The following PCDH15 variants were observed in gnomAD, a reference collection of about 807,000 sequenced individuals.
PCDH15 encodes the protein protocadherin-15.
Under a neutral mutation model 178.5 loss-of-function variants are expected in PCDH15, and 129 were observed. The ratio of observed to expected loss-of-function variants is 0.72; its 90% CI spans 0.63 to 0.84. The LOEUF (loss-of-function observed/expected upper bound fraction) is 0.84, where lower values mean the gene tolerates loss of function less well. Ranked by LOEUF, PCDH15 falls within the 40% of genes least tolerant of loss-of-function variation. PCDH15 has a pLI of 0.00. For missense variants in PCDH15, 2,230 were observed against 2,099.9 expected, an observed-to-expected ratio of 1.06 and a Z score of -1.21; for synonymous variants, 800 against 732.0, an observed-to-expected ratio of 1.09 and a Z score of -1.50.
intron 2 of PCDH15, among the ~76,000 whole-genome samples, chr10:54,978,464 A>G (rs1839132543): frequency 6.6e-6 from 1 of 152,166 alleles, no homozygotes. Flanking sequence ...AGATTAGAAT[A>G]TGCCACCCAA....
At chr10:54,128,482 C>G (rs1188836264) in intron 15 of PCDH15, among the ~76,000 whole-genome samples, 2 of 152,150 alleles carry the variant, frequency 1.3e-5, no homozygotes, top group Admixed American at 1.3e-4. Flanking sequence ...TGACTCAAAT[C>G]TAAGCAGCTA....
rs559553275 is a variant in PCDH15, at chr10:55,042,585, C to T, written c.-80+123991G>A. On this transcript the variant is annotated intron_variant, in intron 2 of 5. Coordinates refer to the PCDH15 transcript ENST00000458638. Reference sequence around the variant, plus strand: ...TTTTTAGTCTTGTCAAATTATTCCACTCTGTCATAAAATAATTCAAAATAC... The same window carrying T: ...TTTTTAGTCTTGTCAAATTATTCCATTCTGTCATAAAATAATTCAAAATAC... Among the ~76,000 whole-genome samples, 6 of 152,240 alleles carry T rather than the reference C, an allele frequency of 3.9e-5. No individual in the cohort carries two copies. In the East Asian group the frequency reaches 1.2e-3, roughly 29 times the overall value.
At chr10:55,513,455 T>C (rs1840938330) in intron 2 of PCDH15, among the ~76,000 whole-genome samples, 1 of 152,080 alleles carries the variant, frequency 6.6e-6, no homozygotes, top group South Asian at 2.1e-4. Context: ...GAATATTACA[T>C]CATATTAAAG....
At chr10:55,086,576 G>A (rs981882471) in intron 2 of PCDH15, among the ~76,000 whole-genome samples, 8 of 151,966 alleles carry the variant, frequency 5.3e-5, no homozygotes, top group Admixed American at 2.6e-4. Flanking sequence ...TATAATGTGA[G>A]CAGTCAGACT....
intron 2 of PCDH15, among the ~76,000 whole-genome samples, chr10:55,100,490 T>G (rs993823261): frequency 6.6e-6 from 1 of 152,118 alleles, no homozygotes; most frequent in African/African-American, 2.4e-5. Context: ...TGTATTAGTT[T>G]ATGGTTGTGC....
chr10:54,686,090 G>A (rs367816510), intron 1 of PCDH15, among the ~76,000 whole-genome samples: 1 of 124,916 alleles, frequency 8.0e-6, no homozygotes, highest in Non-Finnish European at 1.6e-5. Flanking sequence ...GTTTCACCAT[G>A]TTGGTCAGGC....
chr10:54,333,483 G>A (rs1240383684), intron 6 of PCDH15, among the ~76,000 whole-genome samples: 2 of 150,008 alleles, frequency 1.3e-5, no homozygotes, highest in East Asian at 3.9e-4. Context: ...TTTTCCTCTA[G>A]TAAAAAGAAT....
intron 2 of PCDH15, among the ~76,000 whole-genome samples, chr10:54,936,367 A>G (rs1422997348): frequency 6.6e-6 from 1 of 151,970 alleles, no homozygotes; most frequent in Non-Finnish European, 1.5e-5. Context: ...GTATAGTCGC[A>G]TGTTTTCCCT....
chr10:54,335,948 T>C (rs1423364399), intron 6 of PCDH15, among the ~76,000 whole-genome samples: 1 of 152,144 alleles, frequency 6.6e-6, no homozygotes, highest in Non-Finnish European at 1.5e-5. Flanking sequence ...TTGACCAAAA[T>C]GCTGATAATG....
intron 1 of PCDH15, among the ~76,000 whole-genome samples, chr10:54,697,452 G>A (rs1271165886): frequency 1.3e-5 from 2 of 150,360 alleles, no homozygotes; most frequent in Non-Finnish European, 2.9e-5. Context: ...GTTACATTAT[G>A]TTAGACTTAT....
At chr10:54,291,487 G>A (rs956934284) in intron 8 of PCDH15, among the ~76,000 whole-genome samples, 2 of 152,142 alleles carry the variant, frequency 1.3e-5, no homozygotes, top group African/African-American at 2.4e-5. Flanking sequence ...CAGAACTGAA[G>A]GAGATAGGGA....
intron 3 of PCDH15, among the ~76,000 whole-genome samples, chr10:54,881,471 T>A (rs893428706): frequency 6.6e-6 from 1 of 152,158 alleles, no homozygotes; most frequent in Non-Finnish European, 1.5e-5. Flanking sequence ...TTGAGAGCTT[T>A]GCACATATTA....
At chr10:55,613,878 G>A (rs1358328023) in intron 2 of PCDH15, among the ~76,000 whole-genome samples, 1 of 152,052 alleles carries the variant, frequency 6.6e-6, no homozygotes, top group African/African-American at 2.4e-5. Context: ...GGATGCCGAG[G>A]CGGGTGGAAC....
chr10:55,157,949 G>A (rs550266878), intron 2 of PCDH15, among the ~76,000 whole-genome samples: 516 of 17,132 alleles, frequency 0.03, 5 homozygotes, highest in Non-Finnish European at 0.084. Context: ...GAACTTAAAG[G>A]ATAATTTAAA....
chr10:54,284,459 T>C (rs2058910553), intron 8 of PCDH15, among the ~76,000 whole-genome samples: 1 of 152,216 alleles, frequency 6.6e-6, no homozygotes. Flanking sequence ...ATCATAAATA[T>C]ATTAACAATG....
At chr10:54,233,224 G>GT (rs1334242306) in intron 9 of PCDH15, among the ~76,000 whole-genome samples, 1 of 152,130 alleles carries the variant, frequency 6.6e-6, no homozygotes, top group Non-Finnish European at 1.5e-5. Flanking sequence ...AATTACATGT[G>GT]TGAGTCACCA....
At chr10:53,943,249 G>C (rs2086226801) in intron 23 of PCDH15, among the ~76,000 whole-genome samples, 1 of 151,962 alleles carries the variant, frequency 6.6e-6, no homozygotes, top group African/African-American at 2.4e-5. Flanking sequence ...AGCACTTTTG[G>C]AGGCTGAGCC....
At chr10:55,257,952 A>C (rs1441995641) in intron 1 of PCDH15, among the ~76,000 whole-genome samples, 1 of 152,194 alleles carries the variant, frequency 6.6e-6, no homozygotes, top group African/African-American at 2.4e-5. Context: ...TGAAGGAAAA[A>C]ATGTTAAGGG....
chr10:54,786,369 G>A (rs1442411425), intron 1 of PCDH15, among the ~76,000 whole-genome samples: 21 of 151,996 alleles, frequency 1.4e-4, no homozygotes. Flanking sequence ...GCTCCTAGGA[G>A]AAGATCTTTC....
Sources: allele counts gnomAD v4.1 joint callset (sites outside exome capture counted in the v4.1 genomes callset), GRCh38; gene constraint gnomAD v4.1.1; transcripts MANE v1.5; gene names NCBI Gene and HGNC (gene_info 2026-07-23, HGNC 2026-07-21).